Variants in SUSD4 observed in about 807,000 individuals in gnomAD.
SUSD4 encodes sushi domain containing 4.
A neutral mutation model predicts 50.5 loss-of-function variants in SUSD4; 41 were observed. That is an observed-to-expected ratio of 0.81 (90% CI 0.63 to 1.05). The LOEUF (loss-of-function observed/expected upper bound fraction) is 1.05, where lower values mean the gene tolerates loss of function less well. Ranked by LOEUF, SUSD4 falls within the 50% of genes least tolerant of loss-of-function variation. The pLI, the probability that SUSD4 is intolerant of heterozygous loss-of-function variation, is 0.00. For missense variants in SUSD4, 580 were observed against 634.7 expected, an observed-to-expected ratio of 0.91 and a Z score of 0.93; for synonymous variants, 257 against 257.3, an observed-to-expected ratio of 1.00 and a Z score of 0.01.
intron 2 of SUSD4, among the ~76,000 whole-genome samples, chr1:223,345,342 G>A (rs1667970797): frequency 6.6e-6 from 1 of 152,138 alleles, no homozygotes; most frequent in South Asian, 2.1e-4. Context: ...TATTCTCTTG[G>A]TATCTTGTGA....
In SUSD4 at chr1:223,229,293, A is replaced by G. The variant is rs1287997088; in HGVS notation, c.820T>C (p.Cys274Arg). The change falls in exon 6 of 9, where the codon TGC becomes CGC. Residue 274 changes from cysteine (C) to arginine (R), a missense_variant. Physicochemically the swap from Cys to Arg is radical, Grantham distance 180 (BLOSUM62 -3). Transcript: ENST00000366878. This position sits in a 1 kb window ranked among gnomAD's most constrained non-coding sequence, Gnocchi z 4.7. ...YNHGTVVEFY[C>R]DPGYSLTSDY... ...CTGGTGAGGCTGTAGCCAGGATCGC[A>G]GTAAAACTCCACCACAGTTCCGTGG... 6.2e-7 allele frequency: 1 copy of G among 1,613,480 alleles called. No homozygotes were observed. The highest frequency in any genetic ancestry group is 8.5e-7 in the Non-Finnish European group (1 of 1,179,484).
At position 223,220,907 on chromosome 1, in the gene SUSD4, C is replaced by T; in HGVS notation, c.*1285G>A. ...AAGCTTCCAGCCCTCACCACTCTAT[C>T]AGCATAGCAATTTTAAGGATCAGAG... On this transcript the variant is annotated 3_prime_UTR_variant, in exon 9 of 9. Transcript: ENST00000366878. 4 of 399,216 alleles carry T rather than the reference C, an allele frequency of 1.0e-5. No individual in the cohort carries two copies. Among genetic ancestry groups the T allele is most frequent in the Middle Eastern group, 3.1e-4 (1 of 3,178 alleles). 24.7% of individuals were successfully genotyped at this position (399,216 alleles called of 1,614,324 possible). A position where few individuals can be genotyped will look rare whatever the true frequency, so the allele number is the denominator to read the frequency against.
chr1:223,328,018 C>A (rs1666973038), intron 2 of SUSD4, among the ~76,000 whole-genome samples: 1 of 152,012 alleles, frequency 6.6e-6, no homozygotes, highest in Non-Finnish European at 1.5e-5. Context: ...CAAAGGCAAC[C>A]TTTTCTTCCA....
chr1:223,284,409 T>G (rs1459772870), intron 3 of SUSD4, among the ~76,000 whole-genome samples: 1 of 152,124 alleles, frequency 6.6e-6, no homozygotes, highest in Non-Finnish European at 1.5e-5. Context: ...AAAACTCAAA[T>G]TTGAATCCCA....
chr1:223,321,978 C>A (rs2103248105), intron 2 of SUSD4, among the ~76,000 whole-genome samples: 1 of 152,278 alleles, frequency 6.6e-6, no homozygotes, highest in East Asian at 1.9e-4. Flanking sequence ...AGTATAGTTA[C>A]CGATTGAGCA....
intron 5 of SUSD4, among the ~76,000 whole-genome samples, chr1:223,249,075 G>A (rs980082832): frequency 5.9e-5 from 9 of 152,194 alleles, no homozygotes; most frequent in African/African-American, 9.7e-5. Flanking sequence ...TGGCTACACT[G>A]AGGTCAGTCT....
chr1:223,264,453 A>G, intron 5 of SUSD4, 177 bp downstream of exon 5: 1 of 1,347,508 alleles, frequency 7.4e-7, no homozygotes, highest in African/African-American at 1.5e-5. Flanking sequence ...CAAGTTTTAC[A>G]TCTAATTGTA....
chr1:223,265,094 C>T (rs1383282407), intron 4 of SUSD4, among the ~76,000 whole-genome samples: 1 of 152,180 alleles, frequency 6.6e-6, no homozygotes. Flanking sequence ...GTGGATTGTA[C>T]ACCCTCAGGC....
chr1:223,287,319 C>T (rs1664210787), intron 3 of SUSD4, among the ~76,000 whole-genome samples: 1 of 152,180 alleles, frequency 6.6e-6, no homozygotes, highest in African/African-American at 2.4e-5. Flanking sequence ...TCCAGTGATC[C>T]ACCCACCTCA....
At chr1:223,322,391 G>T (rs1008834277) in intron 2 of SUSD4, among the ~76,000 whole-genome samples, 1 of 152,218 alleles carries the variant, frequency 6.6e-6, no homozygotes, top group Non-Finnish European at 1.5e-5. Flanking sequence ...AAGAGTTCGT[G>T]TCCTATTTAT....
intron 2 of SUSD4, among the ~76,000 whole-genome samples, chr1:223,352,219 T>C (rs1668407768): frequency 6.6e-6 from 1 of 152,236 alleles, no homozygotes; most frequent in Admixed American, 6.5e-5. Context: ...TAGGGTAGGT[T>C]CACTCCCAGC....
intron 3 of SUSD4, chr1:223,289,146 G>T (rs1236604564): frequency 1.0e-6 from 1 of 985,248 alleles, no homozygotes; most frequent in Non-Finnish European, 1.2e-6. Flanking sequence ...CTGCGCCCAC[G>T]GGGTGTATTT....
Position 223,363,272 on chromosome 1 carries a change from A to AC in SUSD4, c.148+5dup. ...CAGGCCCTCCCACCACAGCTGGGTC[A>AC]CTCACCGCCCGTGAGCTGTGCAGGG... On this transcript the variant is annotated splice_donor_region_variant and intron_variant, in intron 2 of 8. Coordinates refer to ENST00000366878, the MANE Select transcript of SUSD4 (RefSeq NM_017982.4). The AC allele has an allele frequency of 6.3e-7, 1 of 1,580,272 alleles. No homozygotes were observed. The highest frequency in any genetic ancestry group is 8.6e-7 in the Non-Finnish European group (1 of 1,161,114).
chr1:223,300,282 G>A (rs909533597), intron 2 of SUSD4, among the ~76,000 whole-genome samples: 1 of 152,174 alleles, frequency 6.6e-6, no homozygotes, highest in Non-Finnish European at 1.5e-5. Context: ...TTGGACTCTG[G>A]TTCTCAATGA....
chr1:223,363,847 A>C (rs1300851664), intron 1 of SUSD4: 1 of 159,032 alleles, frequency 6.3e-6, no homozygotes, highest in East Asian at 1.8e-4. Context: ...GGAATCTCAC[A>C]ATGTGGCACC....
intron 3 of SUSD4, among the ~76,000 whole-genome samples, chr1:223,273,353 AG>A (rs774736105): frequency 5.9e-5 from 9 of 152,192 alleles, no homozygotes; most frequent in Non-Finnish European, 1.2e-4. Context: ...ATATCCTCAA[AG>A]GGTTTCCCAT....
rs542550280 is a variant in SUSD4 at position 223,239,461 on chromosome 1, T to C, written c.725-10073A>G. On this transcript the variant is annotated intron_variant, in intron 5 of 8. Coordinates refer to ENST00000366878, the MANE Select transcript of SUSD4 (RefSeq NM_017982.4). ...ATCCACTTCCAGCATTTCTTTTTGG[T>C]TTTAATTGAGCATTTTATCTGATTA... Among the ~76,000 whole-genome samples the C allele has an allele frequency of 2.6e-5, 4 of 152,196 alleles. No individual in the cohort carries two copies. The South Asian group carries it at 8.3e-4, about 31-fold the overall frequency.
chr1:223,264,700 C>T lies in SUSD4; in HGVS notation c.654G>A (p.Gly218=). 2 of 1,614,166 alleles carry T rather than the reference C, an allele frequency of 1.2e-6. No homozygotes were observed. The highest frequency in any genetic ancestry group is 1.1e-5 in the South Asian group (1 of 91,080). Residue 218 remains glycine, a synonymous_variant, in exon 5 of 9, where the codon GGG becomes GGA. Coordinates refer to ENST00000366878, the MANE Select transcript of SUSD4 (RefSeq NM_017982.4). ...YRCFPGFKLD[G]SAYLECLQNL... ...TTTGTAAGCACTCAAGATACGCAGA[C>T]CCATCAAGTTTAAATCCGGGAAAGC...
chr1:223,289,487 G>A (rs1664347496), intron 3 of SUSD4, among the ~76,000 whole-genome samples: 1 of 152,180 alleles, frequency 6.6e-6, no homozygotes, highest in South Asian at 2.1e-4. Flanking sequence ...GCGCACCCAA[G>A]AGAACAGCTG....
Sources: allele counts gnomAD v4.1 joint callset (sites outside exome capture counted in the v4.1 genomes callset), GRCh38; gene constraint gnomAD v4.1.1; non-coding constraint Gnocchi (gnomAD v3.1); transcripts MANE v1.5; gene names NCBI Gene and HGNC (gene_info 2026-07-23, HGNC 2026-07-21).